GCLC: variants seen among roughly 807,000 people sequenced by gnomAD.
GCLC encodes glutamate--cysteine ligase catalytic subunit.
A neutral mutation model predicts 81.5 loss-of-function variants in GCLC; 30 were observed. The ratio of observed to expected loss-of-function variants is 0.37; its 90% confidence interval spans 0.28 to 0.50. The LOEUF is 0.50. GCLC is among the 20% of genes least tolerant of loss of function. The pLI, the probability that GCLC is intolerant of heterozygous loss-of-function variation, is 0.96. For synonymous variants in GCLC, 262 were observed against 273.3 expected (o/e 0.96, Z 0.41); for missense variants, 556 against 777.4 (o/e 0.72, Z 3.39).
rs755827598 is a variant in GCLC at position 53,506,886 on chromosome 6, T to C, written c.1197+27A>G. Reference sequence around the variant, plus strand: ...AGACTCTCAGAAGTCAATACATAAATAAATAAAAATAAAACTGAGAAGATA... The same window carrying C: ...AGACTCTCAGAAGTCAATACATAAACAAATAAAAATAAAACTGAGAAGATA... On this transcript the variant is annotated intron_variant, in intron 10 of 15. Coordinates refer to ENST00000650454, the MANE Select transcript of GCLC (RefSeq NM_001498.4). The surrounding 1 kb of genome is among the most constrained non-coding windows in gnomAD (Gnocchi z 4.0). 8.6e-7 allele frequency: 1 copy of C among 1,157,840 alleles called. No homozygotes were observed. Among genetic ancestry groups the C allele is most frequent in the Non-Finnish European group, 1.3e-6 (1 of 766,704 alleles). The allele number at this position is 1,157,840 out of a possible 1,614,324, so 71.7% of individuals were successfully genotyped here. A position where few individuals can be genotyped will look rare whatever the true frequency, so the allele number is the denominator to read the frequency against.
At chr6:53,513,624 T>C (rs375539009) in intron 6 of GCLC, 2 of 155,492 alleles carry the variant, frequency 1.3e-5, no homozygotes, top group African/African-American at 4.8e-5. Context: ...CTAAGTGAGC[T>C]TGGACACACT....
At chr6:53,532,691 T>A (rs1242519889) in intron 1 of GCLC, among the ~76,000 whole-genome samples, 1 of 152,144 alleles carries the variant, frequency 6.6e-6, no homozygotes. Context: ...GTCACTCACC[T>A]TAGAGTCTGA....
chr6:53,532,362 A>G lies in GCLC; in HGVS notation c.151-9835T>C, dbSNP rs375817812. On this transcript the variant is annotated intron_variant, in intron 1 of 15. Transcript: ENST00000650454. The stretch of plus-strand genomic sequence containing the variant: ...TGAGATACTAAATGACCGAGTCTGC[A>G]GGAACTATGTATAAAGCGATCTGCG... Among the ~76,000 whole-genome samples the G allele has an allele frequency of 1.1e-4, 16 of 152,364 alleles. No individual in the cohort carries two copies. The East Asian group carries it at 2.9e-3, about 28-fold the overall frequency.
chr6:53,502,748 TAG>T (rs1235498825), intron 12 of GCLC, among the ~76,000 whole-genome samples: 1 of 152,212 alleles, frequency 6.6e-6, no homozygotes, highest in East Asian at 1.9e-4. Flanking sequence ...TTTAATAGGA[TAG>T]AGTTTAGTCT....
intron 6 of GCLC, chr6:53,510,383 A>C (rs1280917598): frequency 1.3e-5 from 2 of 152,032 alleles, no homozygotes; most frequent in African/African-American, 4.8e-5. Flanking sequence ...AGGACACTTA[A>C]GAGTTAGGCA....
chr6:53,509,544 T>A lies in GCLC; in HGVS notation c.754-294A>T, dbSNP rs371533631. The A allele has an allele frequency of 1.2e-3, 571 of 491,636 alleles. 1 individual carries two copies. Among genetic ancestry groups the A allele is most frequent in the African/African-American group, 9.6e-3 (497 of 51,810 alleles). 30.5% of individuals were successfully genotyped at this position (491,636 alleles called of 1,614,324 possible). ...AATAAGACACAGACATACGATGATG[T>A]TTAGCAAAGCATTTTCTCTTCTACT... On this transcript the variant is annotated intron_variant, in intron 6 of 15. Coordinates refer to ENST00000650454, the MANE Select transcript of GCLC (RefSeq NM_001498.4).
rs524553 is a variant in GCLC at position 53,505,597 on chromosome 6, C to T, written c.1291-101G>A. On this transcript the variant is annotated intron_variant, in intron 11 of 15. Transcript: ENST00000650454. ...AGATCATGTCATTCCCAAGCCATCT[C>T]CTAATTCCCCATCTGGGTCTGGAAG... 162,110 of 771,814 alleles carry T rather than the reference C, an allele frequency of 0.21. 17,954 individuals carry two copies. The highest frequency in any genetic ancestry group is 0.24 in the Non-Finnish European group (105,084 of 431,440). The allele number at this position is 771,814 out of a possible 1,614,324, so 47.8% of individuals were successfully genotyped here.
At position 53,538,996 on chromosome 6, in the gene GCLC, CTGA is replaced by C. The variant is rs1763307321; in HGVS notation, c.150+5497_150+5499del. On this transcript the variant is annotated intron_variant, in intron 1 of 15. Transcript: ENST00000650454. Reference sequence around the variant, plus strand: ...ACCTGGAGTCAGACAGATTTCAATGCTGATGATATGTCTGCCACTAAGTAGCTG... The same window carrying C: ...ACCTGGAGTCAGACAGATTTCAATGCTGATATGTCTGCCACTAAGTAGCTG... 2.0e-5 allele frequency among the ~76,000 whole-genome samples: 3 copies of C among 152,314 alleles called. No individual in the cohort carries two copies. The South Asian group carries it at 6.2e-4, about 32-fold the overall frequency.
intron 1 of GCLC, among the ~76,000 whole-genome samples, chr6:53,538,775 T>G (rs962762972): frequency 6.6e-6 from 1 of 152,242 alleles, no homozygotes; most frequent in Non-Finnish European, 1.5e-5. Context: ...TGGACTTTTC[T>G]GCTAACTAGA....
chr6:53,509,086 G>T (rs982044776), intron 7 of GCLC, 90 bp downstream of exon 7: 5 of 813,894 alleles, frequency 6.1e-6, no homozygotes, highest in Non-Finnish European at 1.1e-5. Context: ...GTCTTAACTG[G>T]ACTTAAATAG....
chr6:53,533,797 C>CT (rs558357229), intron 1 of GCLC, among the ~76,000 whole-genome samples: 16,725 of 141,792 alleles, frequency 0.12, 1,590 homozygotes, highest in Admixed American at 0.3. Flanking sequence ...TTTTTCTTTT[C>CT]TTTTTTTTTT....
rs540459263 is a variant in GCLC at position 53,516,184 on chromosome 6, G to A, written c.485C>T (p.Pro162Leu). ...CPGFTLPEVKPNPVEGGASKS... is the reference protein window; with the variant it reads ...CPGFTLPEVKLNPVEGGASKS... ...GGAAGCTCCTCCTTCCACTGGGTTG[G>A]GTTTGACCTCGGGCAGTGTGAACCC... The change falls in exon 4 of 16, where the codon CCC becomes CTC. Residue 162 changes from proline (P) to leucine (L), a missense_variant. Transcript: ENST00000650454. 8 of 1,613,560 alleles carry A rather than the reference G, an allele frequency of 5.0e-6. No individual in the cohort carries two copies. The highest frequency in any genetic ancestry group is 6.8e-6 in the Non-Finnish European group (8 of 1,179,656).
At chr6:53,538,152 T>C (rs1267725300) in intron 1 of GCLC, among the ~76,000 whole-genome samples, 2 of 140,440 alleles carry the variant, frequency 1.4e-5, no homozygotes, top group Non-Finnish European at 3.1e-5. Context: ...TTTTTTTTTT[T>C]TTTTTTTTTT....
At position 53,505,420 on chromosome 6, in the gene GCLC, T is replaced by C. The variant is rs1393668069; in HGVS notation, c.1367A>G (p.Lys456Arg). ...VLLTRVILSYKLDFLIPLSKV... is the reference protein window; with the variant it reads ...VLLTRVILSYRLDFLIPLSKV... ...TGACAGTGGAATGAGAAAATCCAAT[T>C]TGTAGGAAAGGATCACTCTGGTGAG... Residue 456 changes from lysine to arginine, a missense_variant, in exon 12 of 16, where the codon AAA (lysine) becomes AGA (arginine). By Grantham distance (26) the Lys-to-Arg change is conservative. Coordinates refer to ENST00000650454, the MANE Select transcript of GCLC (RefSeq NM_001498.4). 1.9e-6 allele frequency: 3 copies of C among 1,595,036 alleles called. No individual in the cohort carries two copies. The highest frequency in any genetic ancestry group is 1.1e-5 in the South Asian group (1 of 90,636).
Position 53,507,387 on chromosome 6 carries a change from G to C in GCLC, c.1084+93C>G, listed in dbSNP as rs17883228. On this transcript the variant is annotated intron_variant, in intron 9 of 15. Transcript: ENST00000650454. ...AGTTAAAGACTTTGCACTAAAAATAGAAACCAGACCAGGAGTCAGCAAAAA... is the reference window on the plus strand; with the variant it reads ...AGTTAAAGACTTTGCACTAAAAATACAAACCAGACCAGGAGTCAGCAAAAA... 3.7e-3 allele frequency: 4,532 copies of C among 1,230,732 alleles called. 122 individuals are homozygous for C. The African/African-American group carries it at 0.057, about 16-fold the overall frequency. The allele number at this position is 1,230,732 out of a possible 1,614,324, so 76.2% of individuals were successfully genotyped here.
intron 2 of GCLC, 67 bp downstream of exon 2, chr6:53,522,348 G>GA (rs1217008653): frequency 3.3e-5 from 32 of 955,910 alleles, no homozygotes; most frequent in Non-Finnish European, 1.4e-5. Context: ...CAATAATTGA[G>GA]AAAAAACTCT....
At chr6:53,532,347 A>T (rs905540432) in intron 1 of GCLC, among the ~76,000 whole-genome samples, 3 of 152,200 alleles carry the variant, frequency 2.0e-5, no homozygotes, top group Admixed American at 6.5e-5. Context: ...TGAGATACTA[A>T]ATGACCGAGT....
intron 1 of GCLC, among the ~76,000 whole-genome samples, chr6:53,536,813 C>G (rs1422278222): frequency 6.6e-6 from 1 of 152,176 alleles, no homozygotes; most frequent in African/African-American, 2.4e-5. Flanking sequence ...ACAGTAGGGT[C>G]TTAACATGGA....
At chr6:53,525,686 CA>C (rs1310855926) in intron 1 of GCLC, among the ~76,000 whole-genome samples, 1 of 152,082 alleles carries the variant, frequency 6.6e-6, no homozygotes, top group African/African-American at 2.4e-5. Context: ...TATACAACTC[CA>C]AAAGCATACA....
Sources: allele counts gnomAD v4.1 joint callset (sites outside exome capture counted in the v4.1 genomes callset), GRCh38; gene constraint gnomAD v4.1.1; non-coding constraint Gnocchi (gnomAD v3.1); transcripts MANE v1.5; gene names NCBI Gene and HGNC (gene_info 2026-07-23, HGNC 2026-07-21).